COP1: variants seen among roughly 807,000 people sequenced by gnomAD.
COP1 encodes E3 ubiquitin-protein ligase COP1.
In COP1, 24 loss-of-function variants were observed where a neutral mutation model predicts 101.3. The observed-to-expected ratio is 0.24, with a 90% CI of 0.17 to 0.33. The LOEUF (loss-of-function observed/expected upper bound fraction) is 0.33, where lower values mean the gene tolerates loss of function less well. Ranked by LOEUF, COP1 falls within the 10% of genes least tolerant of loss-of-function variation. The probability of loss-of-function intolerance (pLI) is 1.00; values close to 1 mark genes in which losing one functional copy is unlikely to be tolerated. For missense variants in COP1, 663 were observed against 906.2 expected, an observed-to-expected ratio of 0.73 and a Z score of 3.45; for synonymous variants, 347 against 341.9, an observed-to-expected ratio of 1.01 and a Z score of -0.17.
At chr1:175,965,585 T>TTTTGTTTG (rs5778882) in intron 18 of COP1, among the ~76,000 whole-genome samples, 79 of 149,398 alleles carry the variant, frequency 5.3e-4, no homozygotes, top group African/African-American at 1.8e-3. Context: ...TTTGTTTTGT[T>TTTTGTTTG]TTTGTTTGTT....
rs572298547 is a variant in COP1 at position 176,078,378 on chromosome 1, C to T, written c.1277+2774G>A. On this transcript the variant is annotated intron_variant, in intron 11 of 19. Transcript: ENST00000367669. The stretch of plus-strand genomic sequence containing the variant: ...ACCATCTGATCTTTGACAAAATCAA[C>T]AAAAACAAGCAATGGGGAAAGGACT... 1.8e-4 allele frequency among the ~76,000 whole-genome samples: 28 copies of T among 152,154 alleles called. No individual in the cohort carries two copies. The South Asian group carries it at 5.8e-3, about 32-fold the overall frequency.
chr1:176,206,791 C>T lies in COP1; in HGVS notation c.188G>A (p.Gly63Asp). ...CGCCACCAACACAGGCCGCACCGGGCCCCCGAGGCCGCCCGAGCCGGCGGC... is the reference window on the plus strand; with the variant it reads ...CGCCACCAACACAGGCCGCACCGGGTCCCCGAGGCCGCCCGAGCCGGCGGC... ...AQAAGSGGLGGPVRPVLVAPA... is the reference protein window; with the variant it reads ...AQAAGSGGLGDPVRPVLVAPA... The change falls in exon 1 of 20, where the codon GGC becomes GAC. Residue 63 changes from glycine (G) to aspartate (D), a missense_variant. Transcript: ENST00000367669. 7.2e-7 allele frequency: 1 copy of T among 1,389,986 alleles called. No individual in the cohort carries two copies. The highest frequency in any genetic ancestry group is 9.2e-7 in the Non-Finnish European group (1 of 1,083,144). 86.1% of individuals were successfully genotyped at this position (1,389,986 alleles called of 1,614,324 possible).
intron 15 of COP1, among the ~76,000 whole-genome samples, chr1:175,994,473 C>T (rs1400973056): frequency 2.0e-5 from 3 of 152,180 alleles, no homozygotes; most frequent in African/African-American, 7.2e-5. Context: ...AGTCAAGACC[C>T]ATCAGTGTGC....
At chr1:176,139,710 G>A (rs1039286027) in intron 6 of COP1, among the ~76,000 whole-genome samples, 1 of 152,120 alleles carries the variant, frequency 6.6e-6, no homozygotes, top group African/African-American at 2.4e-5. Context: ...AATGAAGTAA[G>A]AGAAAACCAA....
intron 11 of COP1, among the ~76,000 whole-genome samples, chr1:176,057,816 C>A (rs993508672): frequency 6.6e-6 from 1 of 151,930 alleles, no homozygotes; most frequent in East Asian, 1.9e-4. Context: ...ATGTGAGGAG[C>A]CCCTCTGCCT....
chr1:176,150,536 T>C (rs982180382), intron 5 of COP1, among the ~76,000 whole-genome samples: 72 of 152,310 alleles, frequency 4.7e-4, no homozygotes, highest in African/African-American at 1.7e-3. Context: ...TTCCACATTG[T>C]TTGTGGGACT....
At chr1:176,003,177 G>A (rs959442289) in intron 15 of COP1, among the ~76,000 whole-genome samples, 1 of 151,988 alleles carries the variant, frequency 6.6e-6, no homozygotes, top group Non-Finnish European at 1.5e-5. Flanking sequence ...GTCTGTTCAT[G>A]TCCTTTGCCC....
intron 2 of COP1, among the ~76,000 whole-genome samples, chr1:176,180,865 A>C (rs1294318990): frequency 6.6e-6 from 1 of 152,204 alleles, no homozygotes; most frequent in African/African-American, 2.4e-5. Flanking sequence ...ATTAGCCAAG[A>C]GTCTCAAAAG....
rs913133502 is a variant in COP1, at chr1:176,089,816, A to C, written c.1027-3926T>G. ...TTTCAACCTGACTCTGAATAATGTCACGACAAATAAAGAAGGAAATCAATA... is the reference window on the plus strand; with the variant it reads ...TTTCAACCTGACTCTGAATAATGTCCCGACAAATAAAGAAGGAAATCAATA... On this transcript the variant is annotated intron_variant, in intron 9 of 19. Transcript: ENST00000367669. Among the ~76,000 whole-genome samples the C allele has an allele frequency of 8.5e-5, 13 of 152,376 alleles. No homozygotes were observed. In the South Asian group the frequency reaches 2.7e-3, roughly 32 times the overall value.
intron 1 of COP1, among the ~76,000 whole-genome samples, chr1:176,199,125 G>A (rs533252051): frequency 1.6e-4 from 25 of 152,166 alleles, no homozygotes; most frequent in Non-Finnish European, 2.4e-4. Context: ...AGACCAACCC[G>A]GCCAACACAG....
intron 15 of COP1, among the ~76,000 whole-genome samples, chr1:176,001,938 C>T (rs1441412040): frequency 6.6e-6 from 1 of 152,102 alleles, no homozygotes; most frequent in Non-Finnish European, 1.5e-5. Flanking sequence ...GTAATGATTT[C>T]TGACGAGAAG....
chr1:176,182,987 T>C (rs543699463), intron 2 of COP1, among the ~76,000 whole-genome samples: 38 of 152,334 alleles, frequency 2.5e-4, no homozygotes, highest in African/African-American at 8.7e-4. Flanking sequence ...AGGTGGACAT[T>C]TGTATTTTAT....
intron 18 of COP1, among the ~76,000 whole-genome samples, chr1:175,957,494 G>C (rs1341080592): frequency 6.6e-6 from 1 of 152,166 alleles, no homozygotes; most frequent in African/African-American, 2.4e-5. Context: ...TACCATCCAG[G>C]TTTGGGAAGT....
rs191584856 is a variant in COP1, at chr1:176,175,140, A to G, written c.565+770T>C. On this transcript the variant is annotated intron_variant, in intron 3 of 19. Transcript: ENST00000367669. ...CTCTTCACCCATTCACTCCCAACTCAGCAAGCATCACACCCAAGTTTTTTT... is the reference window on the plus strand; with the variant it reads ...CTCTTCACCCATTCACTCCCAACTCGGCAAGCATCACACCCAAGTTTTTTT... Among the ~76,000 whole-genome samples, 976 of 152,230 alleles carry G rather than the reference A, an allele frequency of 6.4e-3. 6 individuals carry two copies. Among genetic ancestry groups the G allele is most frequent in the Non-Finnish European group, 0.01 (700 of 68,022 alleles).
Position 176,207,199 on chromosome 1 carries a change from T to G in COP1, c.-221A>C. Reference sequence around the variant, plus strand: ...ACTAAAAAAGCGGAGTAGAAGGCACTACCGCTGTCGAGGCCGCCGCCGCCA... The same window carrying G: ...ACTAAAAAAGCGGAGTAGAAGGCACGACCGCTGTCGAGGCCGCCGCCGCCA... On this transcript the variant is annotated 5_prime_UTR_variant, in exon 1 of 20. Coordinates refer to ENST00000367669, the MANE Select transcript of COP1 (RefSeq NM_022457.7). 2.5e-6 allele frequency: 1 copy of G among 405,980 alleles called. No individual in the cohort carries two copies. Among genetic ancestry groups the G allele is most frequent in the East Asian group, 3.6e-5 (1 of 27,970 alleles). 25.1% of individuals were successfully genotyped at this position (405,980 alleles called of 1,614,324 possible).
At chr1:176,170,174 C>A (rs1292776300) in intron 3 of COP1, among the ~76,000 whole-genome samples, 1 of 152,200 alleles carries the variant, frequency 6.6e-6, no homozygotes, top group African/African-American at 2.4e-5. Flanking sequence ...TTGAACCCTT[C>A]AAAGTCATCC....
chr1:175,961,626 G>T (rs1651359713), intron 18 of COP1, among the ~76,000 whole-genome samples: 2 of 150,184 alleles, frequency 1.3e-5, no homozygotes, highest in Non-Finnish European at 3.0e-5. Context: ...AGCCTGGGAG[G>T]TCAAGGCTGC....
chr1:176,123,565 G>A (rs1687495602), intron 8 of COP1, among the ~76,000 whole-genome samples: 1 of 152,060 alleles, frequency 6.6e-6, no homozygotes, highest in African/African-American at 2.4e-5. Flanking sequence ...AATTAACAGG[G>A]AATGGCTGGT....
chr1:176,128,275 G>C (rs1688355796), intron 8 of COP1, among the ~76,000 whole-genome samples: 1 of 151,936 alleles, frequency 6.6e-6, no homozygotes, highest in Admixed American at 6.6e-5. Flanking sequence ...TTTCAAGAAA[G>C]GTTTTCAGAA....
Sources: gnomAD v4.1 joint callset for allele counts (sites outside exome capture counted in the v4.1 genomes callset) on GRCh38, gnomAD v4.1.1 for gene constraint, MANE v1.5 for transcripts, NCBI Gene and HGNC (gene_info 2026-07-23, HGNC 2026-07-21) for gene names.